The following DCK variants were observed in gnomAD, a reference collection of about 807,000 sequenced individuals.
The protein encoded by DCK is deoxycytidine kinase.
DCK carries 23 observed loss-of-function variants against 38.3 expected under a neutral mutation model. That is an observed-to-expected ratio of 0.60 (90% CI 0.43 to 0.85). DCK has a LOEUF of 0.85. DCK is among the 40% of genes least tolerant of loss of function. DCK has a pLI of 0.00. For missense variants in DCK, 259 were observed against 304.4 expected (o/e 0.85, Z 1.11); for synonymous variants, 108 against 100.6 (o/e 1.07, Z -0.44).
Position 71,018,795 on chromosome 4 carries a change from C to T in DCK, c.208-3572C>T, listed in dbSNP as rs899693559. Among the ~76,000 whole-genome samples the T allele has an allele frequency of 4.0e-5, 6 of 151,560 alleles. 1 individual carries two copies. Among genetic ancestry groups the T allele is most frequent in the Admixed American group, 6.6e-5 (1 of 15,230 alleles). On this transcript the variant is annotated intron_variant, in intron 2 of 6. Transcript: ENST00000286648. ...TAAGCAATTCTCCCACCTCAACCTCCGGAGTAGCTGGGATTACAGGTGCAC... is the reference window on the plus strand; with the variant it reads ...TAAGCAATTCTCCCACCTCAACCTCTGGAGTAGCTGGGATTACAGGTGCAC...
chr4:71,017,479 CAT>C (rs1263934424), intron 2 of DCK, among the ~76,000 whole-genome samples: 5 of 152,160 alleles, frequency 3.3e-5, no homozygotes, highest in Admixed American at 3.3e-4. Context: ...CACATGCACA[CAT>C]ATGTTTATTG....
intron 6 of DCK, among the ~76,000 whole-genome samples, chr4:71,029,008 C>A (rs1297981424): frequency 2.0e-5 from 3 of 152,162 alleles, no homozygotes; most frequent in Non-Finnish European, 4.4e-5. Flanking sequence ...CTGCCCGCCT[C>A]GGCCTCCCAA....
chr4:71,004,359 G>T (rs1578420191), intron 2 of DCK, among the ~76,000 whole-genome samples: 1 of 152,164 alleles, frequency 6.6e-6, no homozygotes, highest in Non-Finnish European at 1.5e-5. Context: ...ACCTGCCAGA[G>T]GCTAGCCAGA....
intron 5 of DCK, among the ~76,000 whole-genome samples, chr4:71,026,463 A>G (rs1740549957): frequency 6.6e-6 from 1 of 152,106 alleles, no homozygotes; most frequent in African/African-American, 2.4e-5. Flanking sequence ...AGCTGTATAT[A>G]TTTTGTACCT....
intron 2 of DCK, among the ~76,000 whole-genome samples, chr4:71,000,216 G>T (rs899327977): frequency 6.6e-6 from 1 of 152,110 alleles, no homozygotes; most frequent in East Asian, 1.9e-4. Context: ...TAAGGAAGGG[G>T]TCCAGTTTCC....
intron 2 of DCK, among the ~76,000 whole-genome samples, chr4:71,013,516 C>T (rs544270346): frequency 9.9e-4 from 151 of 152,302 alleles, no homozygotes; most frequent in African/African-American, 3.3e-3. Flanking sequence ...AGAGAAAGGT[C>T]GGGTTACCCA....
rs539082332 is a variant in DCK, at chr4:71,015,351, A to G, written c.208-7016A>G. On this transcript the variant is annotated intron_variant, in intron 2 of 6. Coordinates refer to ENST00000286648, the MANE Select transcript of DCK (RefSeq NM_000788.3). ...GGATTCACAGCCGAATTCTACCAGCAGTACAAGGAGGAGCTGGTACCATTC... is the reference window on the plus strand; with the variant it reads ...GGATTCACAGCCGAATTCTACCAGCGGTACAAGGAGGAGCTGGTACCATTC... Among the ~76,000 whole-genome samples the G allele has an allele frequency of 9.5e-3, 1,442 of 152,280 alleles. 31 individuals are homozygous for G. Among genetic ancestry groups the G allele is most frequent in the African/African-American group, 0.033 (1,383 of 41,566 alleles).
intron 2 of DCK, among the ~76,000 whole-genome samples, 190 bp from the exon 3 acceptor site, chr4:71,022,177 G>C (rs557316915): frequency 1.2e-4 from 18 of 152,284 alleles, no homozygotes; most frequent in Admixed American, 3.3e-4. Flanking sequence ...AAGATCTAAG[G>C]ATTTTCCAGA....
At chr4:71,014,282 A>G (rs1740193918) in intron 2 of DCK, among the ~76,000 whole-genome samples, 1 of 152,206 alleles carries the variant, frequency 6.6e-6, no homozygotes, top group Non-Finnish European at 1.5e-5. Context: ...GTCCTTAGAG[A>G]CCTACAAAGA....
chr4:71,019,323 AAG>A, intron 2 of DCK, among the ~76,000 whole-genome samples: 1 of 152,328 alleles, frequency 6.6e-6, no homozygotes, highest in East Asian at 1.9e-4. Context: ...TGCTTTGGGC[AAG>A]AGAGATTATA....
chr4:71,024,610 TGATTTTGTTCTTCATTAAGTAAA>T (rs1299506357), intron 4 of DCK, among the ~76,000 whole-genome samples: 2 of 152,074 alleles, frequency 1.3e-5, no homozygotes, highest in Non-Finnish European at 2.9e-5. Flanking sequence ...TTCCAACGGA[TGATTTTGTTCTTCATTAAGTAAA>T]GATTTTGTTC....
chr4:71,012,814 G>A (rs995279926), intron 2 of DCK, among the ~76,000 whole-genome samples: 2 of 152,152 alleles, frequency 1.3e-5, no homozygotes, highest in Admixed American at 6.5e-5. Context: ...CAAAGATAGG[G>A]AAAAACAGAG....
chr4:71,001,786 T>G (rs943641529), intron 2 of DCK, among the ~76,000 whole-genome samples: 1 of 152,178 alleles, frequency 6.6e-6, no homozygotes, highest in Non-Finnish European at 1.5e-5. Flanking sequence ...GTGTTTATAG[T>G]GTTCTCTGAT....
At chr4:71,011,952 G>A (rs1740099545) in intron 2 of DCK, among the ~76,000 whole-genome samples, 1 of 152,092 alleles carries the variant, frequency 6.6e-6, no homozygotes, top group African/African-American at 2.4e-5. Flanking sequence ...AATTAATAAT[G>A]TAATATATTA....
chr4:70,993,881 T>A lies in DCK; in HGVS notation c.46T>A (p.Ser16Thr). The A allele has an allele frequency of 4.3e-6, 7 of 1,614,080 alleles. No homozygotes were observed. Among genetic ancestry groups the A allele is most frequent in the Non-Finnish European group, 5.9e-6 (7 of 1,179,976 alleles). The change falls in exon 1 of 7, where the codon TCT (serine) becomes ACT (threonine). Residue 16 changes from serine (S) to threonine (T), a missense_variant. By Grantham distance (58) the Ser-to-Thr change is moderately conservative (BLOSUM62 1). Coordinates refer to ENST00000286648, the MANE Select transcript of DCK (RefSeq NM_000788.3). Reference sequence around the variant, plus strand: ...AAGCTGCCCGTCTTTCTCAGCCAGCTCTGAGGGGACCCGCATCAAGAAAAT... The same window carrying A: ...AAGCTGCCCGTCTTTCTCAGCCAGCACTGAGGGGACCCGCATCAAGAAAAT... ...KRSCPSFSASSEGTRIKKISI... is the reference protein window; with the variant it reads ...KRSCPSFSASTEGTRIKKISI...
intron 1 of DCK, among the ~76,000 whole-genome samples, chr4:70,996,217 A>G (rs1739656465): frequency 6.6e-6 from 1 of 151,830 alleles, no homozygotes; most frequent in Admixed American, 6.6e-5. Context: ...AAAAAAAAAA[A>G]AAGCCAGTTG....
chr4:71,017,212 A>G (rs554675789), intron 2 of DCK, among the ~76,000 whole-genome samples: 37 of 152,374 alleles, frequency 2.4e-4, no homozygotes, highest in African/African-American at 8.9e-4. Flanking sequence ...GAGAAATGCA[A>G]ATCAAAACCA....
In DCK at chr4:71,029,550, C is replaced by T. The variant is rs1164968627; in HGVS notation, c.*172C>T. ...TTATGCAAAACTTTTTGACCAGTTT[C>T]TTTTCTTTTGTTTTTTTTTTAAAAA... On this transcript the variant is annotated 3_prime_UTR_variant, in exon 7 of 7. Transcript: ENST00000286648. 1.3e-5 allele frequency: 7 copies of T among 558,286 alleles called. No individual in the cohort carries two copies. The highest frequency in any genetic ancestry group is 5.1e-5 in the South Asian group (2 of 39,030). 34.6% of individuals were successfully genotyped at this position (558,286 alleles called of 1,614,324 possible).
At chr4:71,016,886 G>T (rs1306976748) in intron 2 of DCK, among the ~76,000 whole-genome samples, 1 of 152,224 alleles carries the variant, frequency 6.6e-6, no homozygotes, top group African/African-American at 2.4e-5. Context: ...AGGACTTCAT[G>T]TCTAAAACAC....
Sources: gnomAD v4.1 joint callset for allele counts (sites outside exome capture counted in the v4.1 genomes callset) on GRCh38, gnomAD v4.1.1 for gene constraint, MANE v1.5 for transcripts, NCBI Gene and HGNC (gene_info 2026-07-23, HGNC 2026-07-21) for gene names.